Variants in MACROD2 observed in about 807,000 individuals in gnomAD.
MACROD2 encodes ADP-ribose glycohydrolase MACROD2.
In MACROD2, 36 loss-of-function variants were observed where a neutral mutation model predicts 70.4. The ratio of observed to expected loss-of-function variants is 0.51; its 90% CI spans 0.39 to 0.68. MACROD2 has a LOEUF of 0.68. Among genes scored for constraint, MACROD2 ranks in the 30% least tolerant of loss-of-function variants. MACROD2 has a pLI of 0.00. For missense variants in MACROD2, 496 were observed against 538.4 expected (o/e 0.92, Z 0.78); for synonymous variants, 172 against 178.8 (o/e 0.96, Z 0.30).
rs934221646 is a variant in MACROD2, at chr20:15,603,549, A to T, written c.645+103702A>T. ...ATATAAGGGAAATAGCCATAAATCT[A>T]TTCATAGATAAATTGCAATCTGGAT... On this transcript the variant is annotated intron_variant, in intron 8 of 17. Transcript: ENST00000684519. Among the ~76,000 whole-genome samples the T allele has an allele frequency of 7.9e-5, 12 of 151,710 alleles. 1 individual carries two copies. Among genetic ancestry groups the T allele is most frequent in the Admixed American group, 7.9e-4 (12 of 15,228 alleles).
chr20:14,688,437 C>A (rs1348715696), intron 5 of MACROD2, among the ~76,000 whole-genome samples: 4 of 151,950 alleles, frequency 2.6e-5, no homozygotes, highest in Non-Finnish European at 5.9e-5. Context: ...ATGATAAGCC[C>A]CAGATATTTA....
chr20:15,008,899 CT>C (rs2075060834), intron 5 of MACROD2, among the ~76,000 whole-genome samples: 1 of 151,954 alleles, frequency 6.6e-6, no homozygotes, highest in African/African-American at 2.4e-5. Flanking sequence ...TTCCTTTTCT[CT>C]TTCCTTTTCT....
At chr20:14,007,912 T>C (rs1020914932) in intron 2 of MACROD2, among the ~76,000 whole-genome samples, 13 of 152,136 alleles carry the variant, frequency 8.5e-5, no homozygotes, top group Non-Finnish European at 1.3e-4. Context: ...AAAAATAAAA[T>C]AATAATGAGG....
chr20:14,527,166 G>A (rs1311776642), intron 4 of MACROD2, among the ~76,000 whole-genome samples: 8 of 152,162 alleles, frequency 5.3e-5, no homozygotes, highest in Non-Finnish European at 1.2e-4. Flanking sequence ...GCCTGCCGAC[G>A]TCTGTCAGTT....
intron 8 of MACROD2, among the ~76,000 whole-genome samples, chr20:15,654,039 T>G (rs2146801883): frequency 6.6e-6 from 1 of 152,280 alleles, no homozygotes; most frequent in Admixed American, 6.5e-5. Context: ...CCAGCCCTAT[T>G]CTCTGGTTAC....
chr20:14,466,605 G>T (rs2084453483), intron 3 of MACROD2, among the ~76,000 whole-genome samples: 1 of 152,070 alleles, frequency 6.6e-6, no homozygotes, highest in African/African-American at 2.4e-5. Flanking sequence ...AGGAGGAGCG[G>T]TGCTCTGATT....
intron 6 of MACROD2, among the ~76,000 whole-genome samples, chr20:15,245,550 CCTTA>C (rs1171156083): frequency 6.6e-6 from 1 of 152,010 alleles, no homozygotes; most frequent in Non-Finnish European, 1.5e-5. Flanking sequence ...ACAGACAGTC[CCTTA>C]CTTATGATTT....
intron 2 of MACROD2, among the ~76,000 whole-genome samples, chr20:14,051,479 T>C (rs1164415360): frequency 1.3e-5 from 2 of 152,196 alleles, no homozygotes; most frequent in African/African-American, 2.4e-5. Context: ...TCTCTGAACC[T>C]TCCCTTTTAC....
chr20:14,264,324 C>CG (rs752782645), intron 3 of MACROD2, among the ~76,000 whole-genome samples: 4 of 151,984 alleles, frequency 2.6e-5, no homozygotes, highest in African/African-American at 7.2e-5. Context: ...AGTATGTTGT[C>CG]ATTTAAGATT....
chr20:15,885,518 A>T (rs963445578), intron 9 of MACROD2, among the ~76,000 whole-genome samples: 1 of 152,182 alleles, frequency 6.6e-6, no homozygotes. Context: ...TTGCATATAC[A>T]GTTATAAATA....
At chr20:15,597,524 C>T (rs1172847034) in intron 8 of MACROD2, among the ~76,000 whole-genome samples, 1 of 152,066 alleles carries the variant, frequency 6.6e-6, no homozygotes, top group African/African-American at 2.4e-5. Flanking sequence ...AAGGGAGTGC[C>T]GGATTCCTTG....
intron 3 of MACROD2, among the ~76,000 whole-genome samples, chr20:14,205,361 T>C (rs376633140): frequency 3.9e-5 from 6 of 152,172 alleles, no homozygotes; most frequent in Admixed American, 3.9e-4. Flanking sequence ...TGGAGTAGAA[T>C]GTATTAAGCA....
chr20:14,301,347 T>C (rs902069804), intron 3 of MACROD2, among the ~76,000 whole-genome samples: 2 of 152,146 alleles, frequency 1.3e-5, no homozygotes, highest in Non-Finnish European at 2.9e-5. Flanking sequence ...GGATATCAAG[T>C]GTTGGTGGCA....
intron 5 of MACROD2, among the ~76,000 whole-genome samples, chr20:15,062,172 A>C (rs969286536): frequency 6.6e-6 from 1 of 152,176 alleles, no homozygotes; most frequent in Non-Finnish European, 1.5e-5. Flanking sequence ...GGGAGTGTGC[A>C]TGTTCTCTTA....
At chr20:15,166,177 A>C (rs964086995) in intron 5 of MACROD2, among the ~76,000 whole-genome samples, 4 of 152,140 alleles carry the variant, frequency 2.6e-5, no homozygotes, top group African/African-American at 9.7e-5. Flanking sequence ...CAACCCTGTA[A>C]ATTTCCTAAA....
chr20:15,848,365 G>A (rs77785519), intron 8 of MACROD2, among the ~76,000 whole-genome samples: 1 of 151,336 alleles, frequency 6.6e-6, no homozygotes, highest in Non-Finnish European at 1.5e-5. Context: ...AAGCCAGGGG[G>A]AGGGGGGGGT....
At chr20:14,190,691 TA>T (rs1569198761) in intron 3 of MACROD2, among the ~76,000 whole-genome samples, 115 of 42,202 alleles carry the variant, frequency 2.7e-3, no homozygotes, top group East Asian at 5.3e-3. Flanking sequence ...TATATATATA[TA>T]TATATATTTT....
intron 8 of MACROD2, among the ~76,000 whole-genome samples, chr20:15,678,234 C>T (rs985669398): frequency 6.6e-6 from 1 of 151,906 alleles, no homozygotes; most frequent in African/African-American, 2.4e-5. Flanking sequence ...GGTGCAGTGG[C>T]TCACATTTGT....
At chr20:14,351,208 G>A (rs1480614482) in intron 3 of MACROD2, among the ~76,000 whole-genome samples, 1 of 152,012 alleles carries the variant, frequency 6.6e-6, no homozygotes, top group Non-Finnish European at 1.5e-5. Context: ...TTTTCTTTTT[G>A]TTCAGGGTGG....
Sources: allele counts gnomAD v4.1 joint callset (sites outside exome capture counted in the v4.1 genomes callset), GRCh38; gene constraint gnomAD v4.1.1; transcripts MANE v1.5; gene names NCBI Gene and HGNC (gene_info 2026-07-23, HGNC 2026-07-21).